Variants in TENM3 observed in about 807,000 individuals in gnomAD.
TENM3 encodes the protein teneurin transmembrane protein 3, also known as teneurin-3.
Under a neutral mutation model 255.1 loss-of-function variants are expected in TENM3, and 63 were observed. The ratio of observed to expected loss-of-function variants is 0.25; its 90% CI spans 0.20 to 0.30. The LOEUF is 0.30. Among genes scored for constraint, TENM3 ranks in the 10% least tolerant of loss-of-function variants. The pLI is 1.00. For missense variants in TENM3, 2,929 were observed against 3,461.1 expected (o/e 0.85, Z 3.86); for synonymous variants, 1,306 against 1,322.3 (o/e 0.99, Z 0.27).
chr4:181,495,640 G>A, the TENM3 span, among the ~76,000 whole-genome samples: 6 of 152,008 alleles, frequency 3.9e-5, no homozygotes, highest in South Asian at 2.1e-4. Context: ...GACACTTTGC[G>A]TGTAAAGTTG....
At position 182,301,524 on chromosome 4, in the gene TENM3, T is replaced by G. The variant is rs111375395; in HGVS notation, c.-75-22422T>G. Among the ~76,000 whole-genome samples the G allele has an allele frequency of 2.5e-3, 384 of 152,320 alleles. 2 individuals carry two copies. Among genetic ancestry groups the G allele is most frequent in the African/African-American group, 8.6e-3 (358 of 41,558 alleles). ...ATTACTGTCAATTTCAGATTTTTTC[T>G]TTAATTATTTTAAACTCATGAATAA... On this transcript the variant is annotated intron_variant, in intron 1 of 27. Coordinates refer to ENST00000511685, the MANE Select transcript of TENM3 (RefSeq NM_001080477.4).
intron 18 of TENM3, among the ~76,000 whole-genome samples, chr4:182,741,961 C>T (rs553220098): frequency 9.8e-5 from 15 of 152,296 alleles, no homozygotes; most frequent in African/African-American, 2.4e-4. Flanking sequence ...ATTGTACTTT[C>T]GTGGGATTAT....
At chr4:182,228,736 C>A (rs1450210366) in intron 1 of TENM3, among the ~76,000 whole-genome samples, 1 of 152,178 alleles carries the variant, frequency 6.6e-6, no homozygotes, top group Non-Finnish European at 1.5e-5. Context: ...AACCATCAAG[C>A]TTTTGAGGGA....
chr4:181,972,426 C>T, the TENM3 span, among the ~76,000 whole-genome samples: 4 of 129,514 alleles, frequency 3.1e-5, no homozygotes, highest in South Asian at 1.0e-3. Flanking sequence ...CAGAGTGAGA[C>T]CTCCTTGTCC....
intron 3 of TENM3, among the ~76,000 whole-genome samples, chr4:182,577,525 T>G (rs529466902): frequency 6.6e-6 from 1 of 152,334 alleles, no homozygotes; most frequent in South Asian, 2.1e-4. Context: ...CCATCTGCAG[T>G]ATTGCTATAT....
At chr4:182,620,889 A>C (rs907668523) in intron 4 of TENM3, among the ~76,000 whole-genome samples, 1 of 151,996 alleles carries the variant, frequency 6.6e-6, no homozygotes, top group Admixed American at 6.5e-5. Context: ...GCACCATGCT[A>C]GGCTAATTTT....
chr4:181,669,381 A>T, the TENM3 span, among the ~76,000 whole-genome samples: 2 of 152,190 alleles, frequency 1.3e-5, no homozygotes, highest in Admixed American at 1.3e-4. Flanking sequence ...TGGGAGTTGG[A>T]CCAAGACTGT....
intron 3 of TENM3, among the ~76,000 whole-genome samples, chr4:182,388,028 G>C (rs932185217): frequency 4.6e-5 from 7 of 151,684 alleles, no homozygotes; most frequent in Admixed American, 3.3e-4. Flanking sequence ...AAACGTGTAA[G>C]CATGTATCTG....
intron 3 of TENM3, among the ~76,000 whole-genome samples, chr4:182,472,332 A>G (rs1461449042): frequency 1.3e-5 from 2 of 152,188 alleles, no homozygotes; most frequent in African/African-American, 4.8e-5. Flanking sequence ...AATTATGGCT[A>G]TTAATATGCT....
intron 1 of TENM3, among the ~76,000 whole-genome samples, chr4:182,271,172 C>G (rs1422450022): frequency 6.6e-6 from 1 of 152,142 alleles, no homozygotes; most frequent in East Asian, 1.9e-4. Flanking sequence ...TATAACCGAT[C>G]CTGTTTCTGT....
At chr4:182,565,581 C>A (rs1043182399) in intron 3 of TENM3, among the ~76,000 whole-genome samples, 1 of 152,136 alleles carries the variant, frequency 6.6e-6, no homozygotes, top group Non-Finnish European at 1.5e-5. Flanking sequence ...ATCCCTCATA[C>A]CAATGATCAT....
intron 13 of TENM3, among the ~76,000 whole-genome samples, chr4:182,725,962 G>T (rs980359023): frequency 6.6e-6 from 1 of 151,990 alleles, no homozygotes; most frequent in Admixed American, 6.6e-5. Context: ...CATGATTTTA[G>T]CTTTTTTCCA....
At chr4:182,784,336 G>A (rs1765436801) in intron 24 of TENM3, among the ~76,000 whole-genome samples, 1 of 151,748 alleles carries the variant, frequency 6.6e-6, no homozygotes, top group Admixed American at 6.6e-5. Flanking sequence ...GTGTGCCCCT[G>A]CTGGGGGGTG....
At chr4:182,606,028 G>T (rs141589932) in intron 4 of TENM3, among the ~76,000 whole-genome samples, 2 of 152,310 alleles carry the variant, frequency 1.3e-5, no homozygotes, top group African/African-American at 4.8e-5. Context: ...CAGGTTGAAT[G>T]CAGGTAAGGC....
the TENM3 span, among the ~76,000 whole-genome samples, chr4:181,908,703 T>C: frequency 6.6e-6 from 1 of 152,212 alleles, no homozygotes; most frequent in Non-Finnish European, 1.5e-5. Flanking sequence ...CTGTGCATGA[T>C]ATTTTAATAT....
intron 13 of TENM3, among the ~76,000 whole-genome samples, chr4:182,725,813 T>G (rs1417580788): frequency 6.6e-6 from 1 of 151,914 alleles, no homozygotes; most frequent in Non-Finnish European, 1.5e-5. Context: ...TTTTTTTGTA[T>G]TTTTAGTAGA....
the TENM3 span, among the ~76,000 whole-genome samples, chr4:182,099,453 C>T: frequency 2.0e-5 from 3 of 152,152 alleles, no homozygotes; most frequent in African/African-American, 7.2e-5. Context: ...AGGCCATATT[C>T]AGCCACACCA....
At chr4:182,403,353 T>C (rs1439585660) in intron 3 of TENM3, among the ~76,000 whole-genome samples, 4 of 152,232 alleles carry the variant, frequency 2.6e-5, no homozygotes, top group African/African-American at 9.6e-5. Flanking sequence ...AAATAAAAGA[T>C]TGTGCATCTG....
the TENM3 span, among the ~76,000 whole-genome samples, chr4:182,028,620 C>A: frequency 1.3e-5 from 2 of 152,128 alleles, no homozygotes; most frequent in South Asian, 4.1e-4. Context: ...TTTGCTGTTT[C>A]TCACTGGTTT....
Sources: gnomAD v4.1 joint callset for allele counts (sites outside exome capture counted in the v4.1 genomes callset) on GRCh38, gnomAD v4.1.1 for gene constraint, MANE v1.5 for transcripts, NCBI Gene and HGNC (gene_info 2026-07-23, HGNC 2026-07-21) for gene names.